The following LTBP3 variants were observed in gnomAD, a reference collection of about 807,000 sequenced individuals.
LTBP3 encodes the protein latent transforming growth factor beta binding protein 3.
A neutral mutation model predicts 159.7 loss-of-function variants in LTBP3; 97 were observed. The observed-to-expected ratio is 0.61, with a 90% confidence interval of 0.52 to 0.72. The LOEUF is 0.72. Ranked by LOEUF, LTBP3 falls within the 30% of genes least tolerant of loss-of-function variation. The pLI, the probability that LTBP3 is intolerant of heterozygous loss-of-function variation, is 0.00. For missense variants in LTBP3, 1,584 were observed against 1,864.3 expected (o/e 0.85, Z 2.77); for synonymous variants, 824 against 777.1 (o/e 1.06, Z -1.00).
At position 65,547,545 on chromosome 11, in the gene LTBP3, G is replaced by C. The variant is rs2135141886; in HGVS notation, c.2001C>G (p.Pro667=). The C allele has an allele frequency of 2.5e-6, 4 of 1,614,018 alleles. No individual in the cohort carries two copies. The highest frequency in any genetic ancestry group is 3.4e-6 in the Non-Finnish European group (4 of 1,179,952). ...SCVDLNECAK[P]HLCGDGGFCI... ...AGAAGCCGCCGTCGCCGCACAGGTG[G>C]GGCTTGGCGCATTCGTTCAGGTCTG... Residue 667 remains proline, a synonymous_variant, in exon 14 of 28, where the codon CCC becomes CCG. Transcript: ENST00000301873. This position sits in a 1 kb window ranked among gnomAD's most constrained non-coding sequence, Gnocchi z 4.6.
At chr11:65,548,863 A>G (rs1488032824) in intron 11 of LTBP3, 1 of 151,984 alleles carries the variant, frequency 6.6e-6, no homozygotes, top group Admixed American at 6.6e-5. Context: ...CCTTGTCCAC[A>G]TTCCCAAAGC....
Position 65,553,429 on chromosome 11 carries a change from C to A in LTBP3, c.966G>T (p.Leu322=). ...GQSKCHKCPQ[L]QYTGVQKPGP... Reference sequence around the variant, plus strand: ...CCCCTGAGCCCAAGCACTCACACTGCAGCTGGGGACACTTGTGGCACTTGC... The same window carrying A: ...CCCCTGAGCCCAAGCACTCACACTGAAGCTGGGGACACTTGTGGCACTTGC... Residue 322 remains leucine (L), a synonymous_variant, in exon 4 of 28, where the codon CTG becomes CTT. Transcript: ENST00000301873. The surrounding 1 kb of genome is among the most constrained non-coding windows in gnomAD (Gnocchi z 6.5). 6.2e-7 allele frequency: 1 copy of A among 1,611,718 alleles called. No homozygotes were observed. The highest frequency in any genetic ancestry group is 8.5e-7 in the Non-Finnish European group (1 of 1,179,456).
At position 65,554,431 on chromosome 11, in the gene LTBP3, C is replaced by T. The variant is rs1314089586; in HGVS notation, c.332-51G>A. The T allele has an allele frequency of 4.8e-6, 7 of 1,456,286 alleles. No individual in the cohort carries two copies. The highest frequency in any genetic ancestry group is 6.6e-6 in the Non-Finnish European group (7 of 1,059,052). The allele number at this position is 1,456,286 out of a possible 1,614,324, so 90.2% of individuals were successfully genotyped here. On this transcript the variant is annotated intron_variant, in intron 1 of 27. Coordinates refer to ENST00000301873, the MANE Select transcript of LTBP3 (RefSeq NM_001130144.3). This position sits in a 1 kb window ranked among gnomAD's most constrained non-coding sequence, Gnocchi z 5.3. ...CTCACCCACATCCTGTCTCTTTCCCCTCCTCCCTACTTCCTTGCCACCCAC... is the reference window on the plus strand; with the variant it reads ...CTCACCCACATCCTGTCTCTTTCCCTTCCTCCCTACTTCCTTGCCACCCAC...
chr11:65,545,018 G>T, intron 16 of LTBP3: 1 of 156,820 alleles, frequency 6.4e-6, no homozygotes. Flanking sequence ...GGACCTTCTT[G>T]CCAAGGAAGG....
intron 1 of LTBP3, among the ~76,000 whole-genome samples, chr11:65,556,363 A>G (rs1371836409): frequency 6.6e-6 from 1 of 152,178 alleles, no homozygotes; most frequent in Non-Finnish European, 1.5e-5. Flanking sequence ...CTCCATCTCT[A>G]CTAAATACAA....
chr11:65,551,223 C>G lies in LTBP3; in HGVS notation c.1623G>C (p.Glu541Asp). 6.5e-7 allele frequency: 1 copy of G among 1,546,574 alleles called. No homozygotes were observed. ...TCGGGGGCGAGGGACGGGAGATCAG[C>G]TCTGCGGGCGGCAGTGCACTCTGGT... ...ATTTPARPYP[E>D]LISRPSPPTM... The change falls in exon 11 of 28, where the codon GAG becomes GAC. Residue 541 changes from glutamate (E) to aspartate (D), a missense_variant and splice_region_variant. Physicochemically the swap from Glu to Asp is conservative, Grantham distance 45 (BLOSUM62 2). Coordinates refer to ENST00000301873, the MANE Select transcript of LTBP3 (RefSeq NM_001130144.3).
In LTBP3 at chr11:65,538,930, A is replaced by T; in HGVS notation, c.*150T>A. 7.7e-7 allele frequency: 1 copy of T among 1,290,436 alleles called. No individual in the cohort carries two copies. The highest frequency in any genetic ancestry group is 1.6e-5 in the African/African-American group (1 of 63,922). The allele number at this position is 1,290,436 out of a possible 1,614,324, so 79.9% of individuals were successfully genotyped here. On this transcript the variant is annotated 3_prime_UTR_variant, in exon 28 of 28. Coordinates refer to ENST00000301873, the MANE Select transcript of LTBP3 (RefSeq NM_001130144.3). ...CCGCTAACCGGGGAGGGGGGCCGGT[A>T]GGGGCGCCTCGGGTCTCAAGGCGCC...
intron 1 of LTBP3, among the ~76,000 whole-genome samples, chr11:65,555,420 C>G (rs1053188162): frequency 2.0e-5 from 3 of 152,168 alleles, no homozygotes; most frequent in South Asian, 2.1e-4. Flanking sequence ...CAGGTCCCCC[C>G]CCTCTCTATA....
intron 16 of LTBP3, chr11:65,544,289 TTC>T (rs34294277): frequency 0.16 from 24,285 of 153,386 alleles, 2,158 homozygotes; most frequent in Middle Eastern, 0.26. Flanking sequence ...CACCTCCACC[TTC>T]TCTCTCACAG....
intron 1 of LTBP3, among the ~76,000 whole-genome samples, chr11:65,557,209 T>C (rs936764415): frequency 6.6e-6 from 1 of 152,128 alleles, no homozygotes; most frequent in Non-Finnish European, 1.5e-5. Flanking sequence ...GGCCCTACTT[T>C]AGACATTTTG....
At chr11:65,540,666 G>A (rs1430093435) in intron 21 of LTBP3, 52 bp from the exon 22 acceptor site, 28 of 1,530,704 alleles carry the variant, frequency 1.8e-5, no homozygotes, top group South Asian at 2.3e-5. Flanking sequence ...CAGCCCGGAG[G>A]CGTGGGCTGG....
In LTBP3 at chr11:65,553,707, C is replaced by T; in HGVS notation, c.858G>A (p.Lys286=). The T allele has an allele frequency of 6.3e-7, 1 of 1,576,694 alleles. No homozygotes were observed. The highest frequency in any genetic ancestry group is 1.1e-5 in the South Asian group (1 of 87,768). ...CGACTGTGGATTCACTCACCGGCTG[C>T]TTGGGCAGAGTGTCCTGAAAGCAGC... ...LGRCFQDTLP[K]QPCGSNPLPG... The change falls in exon 3 of 28, where the codon AAG becomes AAA. Residue 286 remains lysine, a synonymous_variant. Transcript: ENST00000301873. This position sits in a 1 kb window ranked among gnomAD's most constrained non-coding sequence, Gnocchi z 6.5.
rs2135125323 is a variant in LTBP3, at chr11:65,541,161, T to A, written c.2858A>T (p.His953Leu). 1 of 1,599,630 alleles carries A rather than the reference T, an allele frequency of 6.3e-7. No individual in the cohort carries two copies. Among genetic ancestry groups the A allele is most frequent in the South Asian group, 1.1e-5 (1 of 89,382 alleles). ...GACTGGGCAGGGGTAGATTTCGCAGTGGTCGCCCCAGCCGGCCCCCAGAGA... is the reference window on the plus strand; with the variant it reads ...GACTGGGCAGGGGTAGATTTCGCAGAGGTCGCCCCAGCCGGCCCCCAGAGA... ...CCSLGAGWGD[H>L]CEIYPCPVYS... Residue 953 changes from histidine (H) to leucine (L), a missense_variant, in exon 20 of 28, where the codon CAC (histidine) becomes CTC (leucine). Physicochemically the swap from His to Leu is moderately conservative, Grantham distance 99. This residue lies in a region of LTBP3 where 565 missense variants were observed against 677.7 expected (regional missense o/e 0.83). Coordinates refer to ENST00000301873, the MANE Select transcript of LTBP3 (RefSeq NM_001130144.3).
chr11:65,557,662 T>A lies in LTBP3; in HGVS notation c.298A>T (p.Thr100Ser). The A allele has an allele frequency of 6.2e-7, 1 of 1,611,062 alleles. No individual in the cohort carries two copies. The highest frequency in any genetic ancestry group is 8.5e-7 in the Non-Finnish European group (1 of 1,179,874). The stretch of plus-strand genomic sequence containing the variant: ...AAGCCGGAGCCCGTGAGCGTGTCTG[T>A]GCTGTGGCCGTTCTCTCCGATGAGC... Reference protein sequence around the residue: ...MTLIGENGHSTDTLTGSGFRV... With the variant: ...MTLIGENGHSSDTLTGSGFRV... Residue 100 changes from threonine to serine, a missense_variant, in exon 1 of 28, where the codon ACA (threonine) becomes TCA (serine). Around this residue, in one of 6 missense-constraint regions of LTBP3, gnomAD observed 76 missense variants for 133.3 expected, o/e 0.57. Transcript: ENST00000301873.
In LTBP3 at chr11:65,546,382, C is replaced by G; in HGVS notation, c.2353+60G>C. ...CACTGTTTACAGACAGCGTGACCCG[C>G]TCCCCGGCTTCAGCGCGTAGGGGGC... On this transcript the variant is annotated intron_variant, in intron 16 of 27. Coordinates refer to ENST00000301873, the MANE Select transcript of LTBP3 (RefSeq NM_001130144.3). This position sits in a 1 kb window ranked among gnomAD's most constrained non-coding sequence, Gnocchi z 4.0. 6.7e-7 allele frequency: 1 copy of G among 1,484,400 alleles called. No individual in the cohort carries two copies. 92.0% of individuals were successfully genotyped at this position (1,484,400 alleles called of 1,614,324 possible).
chr11:65,547,509 A>C lies in LTBP3; in HGVS notation c.2037T>G (p.Phe679Leu). ...AGCAGTTGCACTTGTAGTGACCGGGAAAGTTGATGCAGAAGCCGCCGTCGC... is the reference window on the plus strand; with the variant it reads ...AGCAGTTGCACTTGTAGTGACCGGGCAAGTTGATGCAGAAGCCGCCGTCGC... The part of the protein sequence containing the change: ...LCGDGGFCIN[F>L]PGHYKCNCYP... Residue 679 changes from phenylalanine (F) to leucine (L), a missense_variant, in exon 14 of 28, where the codon TTT (phenylalanine) becomes TTG (leucine). By Grantham distance (22) the Phe-to-Leu change is conservative. Around this residue, in one of 6 missense-constraint regions of LTBP3, gnomAD observed 565 missense variants for 677.7 expected, o/e 0.83. Transcript: ENST00000301873. This position sits in a 1 kb window ranked among gnomAD's most constrained non-coding sequence, Gnocchi z 4.6. 1.2e-6 allele frequency: 2 copies of C among 1,613,744 alleles called. No individual in the cohort carries two copies. Among genetic ancestry groups the C allele is most frequent in the South Asian group, 2.2e-5 (2 of 91,056 alleles).
rs1400212898 is a variant in LTBP3 at position 65,539,100 on chromosome 11, C to T, written c.3892G>A (p.Val1298Ile). 4.1e-6 allele frequency: 6 copies of T among 1,453,566 alleles called. No homozygotes were observed. Among genetic ancestry groups the T allele is most frequent in the Non-Finnish European group, 5.5e-6 (6 of 1,100,400 alleles). 90.0% of individuals were successfully genotyped at this position (1,453,566 alleles called of 1,614,324 possible). ...CGGCGTCAGCGGCGGCGCTGGGGAA[C>T]GCAGGCCCCGTGCGGGCGGCTGCGC... The part of the protein sequence containing the change: ...FARSRPHGAC[V>I]PQRRR The change falls in exon 28 of 28, where the codon GTT (valine) becomes ATT (isoleucine). Residue 1298 changes from valine to isoleucine, a missense_variant. Coordinates refer to ENST00000301873, the MANE Select transcript of LTBP3 (RefSeq NM_001130144.3).
At chr11:65,544,032 G>T in intron 16 of LTBP3, 2 of 204,396 alleles carry the variant, frequency 9.8e-6, no homozygotes, top group South Asian at 8.0e-5. Context: ...GCCTCCTGCA[G>T]CCTCAGTCCT....
chr11:65,558,075 G>A lies in LTBP3; in HGVS notation c.-116C>T. On this transcript the variant is annotated 5_prime_UTR_variant, in exon 1 of 28. Transcript: ENST00000301873. ...AGAGGGTAGGGGGCAGCGAGGGAGG[G>A]CAGCGGGGGAAGCGGGCGGGAGGGG... is the stretch of plus-strand genomic sequence containing the variant. The A allele has an allele frequency of 9.4e-7, 1 of 1,062,030 alleles. No individual in the cohort carries two copies. Among genetic ancestry groups the A allele is most frequent in the Non-Finnish European group, 1.1e-6 (1 of 876,236 alleles). The allele number at this position is 1,062,030 out of a possible 1,614,324, so 65.8% of individuals were successfully genotyped here.
Sources: gnomAD v4.1 joint callset for allele counts (sites outside exome capture counted in the v4.1 genomes callset) on GRCh38, gnomAD v4.1.1 for gene constraint, gnomAD v4.1.1 regional missense constraint, Gnocchi (gnomAD v3.1) non-coding constraint, MANE v1.5 for transcripts, NCBI Gene and HGNC (gene_info 2026-07-23, HGNC 2026-07-21) for gene names.